GLIS3: variants seen among roughly 807,000 people sequenced by gnomAD.
The protein encoded by GLIS3 is zinc finger protein GLIS3.
Under a neutral mutation model 78.6 loss-of-function variants are expected in GLIS3, and 53 were observed. The observed-to-expected ratio is 0.67, with a 90% confidence interval of 0.54 to 0.85. The LOEUF is 0.85. Among genes scored for constraint, GLIS3 ranks in the 40% least tolerant of loss-of-function variants. The probability of loss-of-function intolerance (pLI) is 0.00; values close to 1 mark genes in which losing one functional copy is unlikely to be tolerated. For synonymous variants in GLIS3, 684 were observed against 509.9 expected, an observed-to-expected ratio of 1.34 and a Z score of -4.60; for missense variants, 1,703 against 1,231.1, an observed-to-expected ratio of 1.38 and a Z score of -5.74.
At chr9:4,027,579 A>G (rs2130227851) in intron 4 of GLIS3, among the ~76,000 whole-genome samples, 1 of 152,262 alleles carries the variant, frequency 6.6e-6, no homozygotes, top group African/African-American at 2.4e-5. Context: ...TTTAAATCTG[A>G]GCCTGGAACA....
At position 4,118,899 on chromosome 9, in the gene GLIS3, A is replaced by C; in HGVS notation, c.597-18T>G. 1 of 1,598,532 alleles carries C rather than the reference A, an allele frequency of 6.3e-7. No homozygotes were observed. Among genetic ancestry groups the C allele is most frequent in the Non-Finnish European group, 8.5e-7 (1 of 1,179,152 alleles). The stretch of plus-strand genomic sequence containing the variant: ...TAAGGGACCTGGAACAGCAGCCAGA[A>C]AGGAAGAAAAAAAAAAGATAAACAT... On this transcript the variant is annotated intron_variant, in intron 3 of 10. Transcript: ENST00000381971. The surrounding 1 kb of genome is among the most constrained non-coding windows in gnomAD (Gnocchi z 4.7).
intron 8 of GLIS3, among the ~76,000 whole-genome samples, chr9:3,858,903 G>A (rs1274007909): frequency 1.3e-5 from 2 of 152,158 alleles, no homozygotes; most frequent in Non-Finnish European, 2.9e-5. Context: ...TTTTGTTACT[G>A]TGTAAAAACA....
chr9:4,380,841 G>A, the GLIS3 span, among the ~76,000 whole-genome samples: 4 of 152,200 alleles, frequency 2.6e-5, no homozygotes, highest in African/African-American at 9.6e-5. Flanking sequence ...AATAGAACGA[G>A]AAGAGAAGGA....
At chr9:3,898,314 A>C (rs898814837) in intron 7 of GLIS3, 1 of 305,668 alleles carries the variant, frequency 3.3e-6, no homozygotes, top group African/African-American at 2.2e-5. Flanking sequence ...TTTAAAACAT[A>C]AAGATGACAA....
At chr9:4,479,846 T>C in the GLIS3 span, among the ~76,000 whole-genome samples, 4 of 151,582 alleles carry the variant, frequency 2.6e-5, no homozygotes, top group Non-Finnish European at 5.9e-5. Flanking sequence ...CACCATCGCT[T>C]CTCCTGTCTC....
At chr9:4,338,324 C>T (rs981945694) in intron 2 of GLIS3, among the ~76,000 whole-genome samples, 3 of 151,214 alleles carry the variant, frequency 2.0e-5, no homozygotes, top group Admixed American at 6.6e-5. Flanking sequence ...CAAAATTATA[C>T]GTATATATAG....
At chr9:4,072,147 G>C (rs1827665406) in intron 4 of GLIS3, among the ~76,000 whole-genome samples, 1 of 152,144 alleles carries the variant, frequency 6.6e-6, no homozygotes, top group Admixed American at 6.5e-5. Context: ...CTTCCATTCT[G>C]TATTTTGTCT....
the GLIS3 span, among the ~76,000 whole-genome samples, chr9:4,368,765 G>C: frequency 6.6e-6 from 1 of 152,194 alleles, no homozygotes; most frequent in Admixed American, 6.5e-5. Context: ...GAGGAGGATA[G>C]TAGCATGCAC....
chr9:4,436,177 G>C, the GLIS3 span, among the ~76,000 whole-genome samples: 1 of 152,192 alleles, frequency 6.6e-6, no homozygotes, highest in South Asian at 2.1e-4. Context: ...CAGATATGAA[G>C]ATGATCACAA....
rs58558810 is a variant in GLIS3, at chr9:3,957,128, C to A, written c.1711-19939G>T. Among the ~76,000 whole-genome samples, 882 of 152,322 alleles carry A rather than the reference C, an allele frequency of 5.8e-3. 8 individuals are homozygous for A. Among genetic ancestry groups the A allele is most frequent in the African/African-American group, 0.02 (832 of 41,566 alleles). ...CTCAAAGTGGCTCCCTATCTACAGT[C>A]TATATCTGTTCTTTCTTTGAAGGTG... On this transcript the variant is annotated intron_variant, in intron 4 of 10. Coordinates refer to ENST00000381971, the MANE Select transcript of GLIS3 (RefSeq NM_001042413.2).
intron 3 of GLIS3, among the ~76,000 whole-genome samples, chr9:4,120,530 T>G (rs1029676545): frequency 5.3e-5 from 8 of 152,228 alleles, no homozygotes; most frequent in Non-Finnish European, 1.0e-4. Flanking sequence ...AGCATGTGGC[T>G]CTTCCTGCAG....
At chr9:4,422,751 G>A in the GLIS3 span, among the ~76,000 whole-genome samples, 1 of 152,224 alleles carries the variant, frequency 6.6e-6, no homozygotes, top group Admixed American at 6.5e-5. Flanking sequence ...AAGTGTGAAA[G>A]TCAGGGAGTG....
intron 4 of GLIS3, among the ~76,000 whole-genome samples, chr9:4,090,263 C>A (rs1447715973): frequency 1.3e-5 from 2 of 152,128 alleles, no homozygotes; most frequent in African/African-American, 4.8e-5. Flanking sequence ...TTCCTGCCTA[C>A]AGCCCAACAG....
chr9:4,185,074 T>C (rs914642474), intron 2 of GLIS3, among the ~76,000 whole-genome samples: 7 of 152,160 alleles, frequency 4.6e-5, no homozygotes, highest in African/African-American at 1.7e-4. Flanking sequence ...ATCATCCCAA[T>C]AGGATCCATG....
the GLIS3 span, among the ~76,000 whole-genome samples, chr9:4,457,368 A>C: frequency 6.6e-6 from 1 of 152,060 alleles, no homozygotes; most frequent in Non-Finnish European, 1.5e-5. Context: ...CTCAAAAAAA[A>C]AAAAGCAAGA....
chr9:4,197,921 GGGGAAA>G (rs963672322), intron 2 of GLIS3, among the ~76,000 whole-genome samples: 1 of 150,760 alleles, frequency 6.6e-6, no homozygotes, highest in South Asian at 2.1e-4. Flanking sequence ...TAGGAAGGGA[GGGGAAA>G]GGGAAAGGGA....
chr9:3,844,889 T>C (rs1038234114), intron 9 of GLIS3, among the ~76,000 whole-genome samples: 1 of 152,210 alleles, frequency 6.6e-6, no homozygotes, highest in Non-Finnish European at 1.5e-5. Flanking sequence ...ATCGGCAAAA[T>C]ACTAACATTC....
At chr9:4,379,678 C>CCACTTCAGTGTATACCACTTCAGTGTAT in the GLIS3 span, among the ~76,000 whole-genome samples, 11 of 152,294 alleles carry the variant, frequency 7.2e-5, no homozygotes, top group Admixed American at 5.2e-4. Context: ...CTTCAGTGTA[C>CCACTTCAGTGTATACCACTTCAGTGTAT]ACCATCCCGC....
chr9:4,011,119 T>C (rs1381523650), intron 4 of GLIS3, among the ~76,000 whole-genome samples: 1 of 152,160 alleles, frequency 6.6e-6, no homozygotes, highest in Non-Finnish European at 1.5e-5. Flanking sequence ...AACACCCTAT[T>C]TGCAAATCCC....
Sources: gnomAD v4.1 joint callset for allele counts (sites outside exome capture counted in the v4.1 genomes callset) on GRCh38, gnomAD v4.1.1 for gene constraint, Gnocchi (gnomAD v3.1) non-coding constraint, MANE v1.5 for transcripts, NCBI Gene and HGNC (gene_info 2026-07-23, HGNC 2026-07-21) for gene names.